The following GBE1 variants were observed in gnomAD, a reference collection of about 807,000 sequenced individuals.
The protein encoded by GBE1 is 1,4-alpha-glucan-branching enzyme.
GBE1 carries 70 observed loss-of-function variants against 88.8 expected under a neutral mutation model. That is an observed-to-expected ratio of 0.79 (90% CI 0.65 to 0.96). GBE1 has a LOEUF of 0.96. Ranked by LOEUF, GBE1 falls within the 40% of genes least tolerant of loss-of-function variation. The probability of loss-of-function intolerance (pLI) is 0.00; values close to 1 mark genes in which losing one functional copy is unlikely to be tolerated. For synonymous variants in GBE1, 284 were observed against 300.1 expected (o/e 0.95, Z 0.56); for missense variants, 872 against 871.0 (o/e 1.00, Z -0.01).
intron 2 of GBE1, among the ~76,000 whole-genome samples, chr3:81,693,205 G>A (rs1490018047): frequency 2.0e-5 from 3 of 151,922 alleles, no homozygotes; most frequent in Middle Eastern, 3.4e-3. Flanking sequence ...AACAGTTTTG[G>A]TTTAAAAATA....
chr3:81,681,144 G>A (rs1705334257), intron 2 of GBE1, among the ~76,000 whole-genome samples: 1 of 152,228 alleles, frequency 6.6e-6, no homozygotes, highest in Non-Finnish European at 1.5e-5. Flanking sequence ...AAAGGATAAA[G>A]CATGAAGGAG....
At chr3:81,723,045 A>T (rs1436014116) in intron 1 of GBE1, among the ~76,000 whole-genome samples, 2 of 151,582 alleles carry the variant, frequency 1.3e-5, no homozygotes, top group East Asian at 3.9e-4. Flanking sequence ...ATAAAATATC[A>T]CTGGAACAAA....
At chr3:81,541,457 C>A (rs1035950504) in intron 12 of GBE1, among the ~76,000 whole-genome samples, 21 of 151,098 alleles carry the variant, frequency 1.4e-4, no homozygotes, top group Non-Finnish European at 2.2e-4. Context: ...GTTGCCCCCC[C>A]CGCCACCTCG....
At chr3:81,541,163 T>C (rs1197953419) in intron 12 of GBE1, among the ~76,000 whole-genome samples, 26 of 151,966 alleles carry the variant, frequency 1.7e-4, no homozygotes. Context: ...CTTGACTTTG[T>C]AGTGGAGTTT....
chr3:81,605,853 C>G (rs1704095157), intron 7 of GBE1, among the ~76,000 whole-genome samples: 1 of 152,114 alleles, frequency 6.6e-6, no homozygotes, highest in African/African-American at 2.4e-5. Flanking sequence ...TTTACAAAAA[C>G]AGGCAGCACT....
intron 2 of GBE1, among the ~76,000 whole-genome samples, chr3:81,704,179 A>G (rs1408495398): frequency 1.3e-5 from 2 of 151,966 alleles, no homozygotes; most frequent in Non-Finnish European, 2.9e-5. Context: ...TTTATTATTA[A>G]ATTTTACTCT....
chr3:81,524,522 T>G (rs1702918387), intron 14 of GBE1, among the ~76,000 whole-genome samples: 1 of 151,864 alleles, frequency 6.6e-6, no homozygotes, highest in Non-Finnish European at 1.5e-5. Flanking sequence ...TTGCCTATGC[T>G]TAGTTTAGGC....
intron 1 of GBE1, among the ~76,000 whole-genome samples, chr3:81,712,646 C>T (rs1321572108): frequency 7.2e-5 from 9 of 125,696 alleles, no homozygotes; most frequent in East Asian, 2.5e-4. Context: ...TGGGGCCTGT[C>T]GTGGGGTGGG....
chr3:81,756,058 T>C (rs986633071), intron 1 of GBE1, among the ~76,000 whole-genome samples: 4 of 152,142 alleles, frequency 2.6e-5, no homozygotes, highest in African/African-American at 9.7e-5. Flanking sequence ...TTCACTGTAA[T>C]TGTAATACTT....
At chr3:81,606,823 T>C (rs1194689986) in intron 7 of GBE1, among the ~76,000 whole-genome samples, 1 of 152,236 alleles carries the variant, frequency 6.6e-6, no homozygotes, top group Non-Finnish European at 1.5e-5. Context: ...GATCATTTCG[T>C]GGTTTATTAT....
At position 81,581,223 on chromosome 3, in the gene GBE1, G is replaced by A. The variant is rs200580762; in HGVS notation, c.1388C>T (p.Thr463Met). ...TTCAAGGTAGCGCCTGTTTGTGAGCGTGTATACTATATCGCCCATGTTCCA... is the reference window on the plus strand; with the variant it reads ...TTCAAGGTAGCGCCTGTTTGTGAGCATGTATACTATATCGCCCATGTTCCA... The part of the protein sequence containing the change: ...EDWNMGDIVY[T>M]LTNRRYLEKC... Residue 463 changes from threonine to methionine, a missense_variant, in exon 11 of 16, where the codon ACG becomes ATG. Coordinates refer to ENST00000429644, the MANE Select transcript of GBE1 (RefSeq NM_000158.4). The A allele has an allele frequency of 3.1e-5, 49 of 1,606,484 alleles. No homozygotes were observed. Among genetic ancestry groups the A allele is most frequent in the African/African-American group, 4.0e-5 (3 of 74,368 alleles).
chr3:81,541,458 C>G lies in GBE1; in HGVS notation c.1619-4363G>C, dbSNP rs891438428. 1.3e-4 allele frequency among the ~76,000 whole-genome samples: 19 copies of G among 149,686 alleles called. No individual in the cohort carries two copies. In the East Asian group the frequency reaches 3.0e-3, roughly 23 times the overall value. On this transcript the variant is annotated intron_variant, in intron 12 of 15. Transcript: ENST00000429644. ...GTGATGGGCTGCAAGTTGCCCCCCC[C>G]GCCACCTCGCCCAAATTCATATGTT...
At chr3:81,554,327 G>A (rs996987036) in intron 12 of GBE1, among the ~76,000 whole-genome samples, 1 of 152,176 alleles carries the variant, frequency 6.6e-6, no homozygotes, top group African/African-American at 2.4e-5. Context: ...GGCACCAACT[G>A]AAAGATTCCA....
Position 81,728,529 on chromosome 3 carries a change from T to A in GBE1, c.144-22916A>T, listed in dbSNP as rs2594547. On this transcript the variant is annotated intron_variant, in intron 1 of 15. Coordinates refer to ENST00000429644, the MANE Select transcript of GBE1 (RefSeq NM_000158.4). ...GAAAAGAAACTGGACACAGTAAATG[T>A]GGCTAGCAGTGGATAACCAGTCTAG... Among the ~76,000 whole-genome samples, 768 of 152,068 alleles carry A rather than the reference T, an allele frequency of 5.1e-3. 2 individuals carry two copies. Among genetic ancestry groups the A allele is most frequent in the African/African-American group, 0.018 (737 of 41,514 alleles).
At chr3:81,592,630 A>G (rs973899849) in intron 8 of GBE1, among the ~76,000 whole-genome samples, 1 of 152,080 alleles carries the variant, frequency 6.6e-6, no homozygotes, top group African/African-American at 2.4e-5. Flanking sequence ...ACAACTCAGA[A>G]TGTTTTTCTT....
At chr3:81,622,104 T>C (rs900484699) in intron 7 of GBE1, among the ~76,000 whole-genome samples, 2 of 152,210 alleles carry the variant, frequency 1.3e-5, no homozygotes, top group African/African-American at 4.8e-5. Flanking sequence ...TACTACTTTG[T>C]AAATATCCTC....
chr3:81,690,976 G>A (rs1337139283), intron 2 of GBE1, among the ~76,000 whole-genome samples: 1 of 151,984 alleles, frequency 6.6e-6, no homozygotes, highest in African/African-American at 2.4e-5. Context: ...TATGCTAACA[G>A]CTCTAGCATA....
intron 12 of GBE1, among the ~76,000 whole-genome samples, chr3:81,565,516 T>A (rs1339838678): frequency 1.3e-5 from 2 of 152,210 alleles, no homozygotes; most frequent in Non-Finnish European, 2.9e-5. Context: ...AAATGCAGAC[T>A]GACACTTAGG....
chr3:81,731,747 A>C (rs189443359), intron 1 of GBE1, among the ~76,000 whole-genome samples: 172 of 152,116 alleles, frequency 1.1e-3, no homozygotes, highest in Non-Finnish European at 2.0e-3. Context: ...ACCATGTAAC[A>C]CATGCCTCCT....
Sources: gnomAD v4.1 joint callset for allele counts (sites outside exome capture counted in the v4.1 genomes callset) on GRCh38, gnomAD v4.1.1 for gene constraint, MANE v1.5 for transcripts, NCBI Gene and HGNC (gene_info 2026-07-23, HGNC 2026-07-21) for gene names.